The following CD84 variants were observed in gnomAD, a reference collection of about 807,000 sequenced individuals.
CD84 encodes SLAM family member 5.
Under a neutral mutation model 33.8 loss-of-function variants are expected in CD84, and 22 were observed. That is an observed-to-expected ratio of 0.65 (90% CI 0.46 to 0.93). CD84 has a LOEUF of 0.93. CD84 is among the 40% of genes least tolerant of loss of function. The pLI is 0.00. For missense variants in CD84, 400 were observed against 397.6 expected, an observed-to-expected ratio of 1.01 and a Z score of -0.05; for synonymous variants, 154 against 145.2, an observed-to-expected ratio of 1.06 and a Z score of -0.44.
At chr1:160,550,557 G>A (rs890435251) in intron 5 of CD84, 96 of 925,658 alleles carry the variant, frequency 1.0e-4, no homozygotes, top group Non-Finnish European at 1.2e-4. Context: ...CTGTTGCCTC[G>A]TAGCCCCCTT....
At chr1:160,555,272 A>T (rs369598271) in intron 2 of CD84, among the ~76,000 whole-genome samples, 36 of 151,900 alleles carry the variant, frequency 2.4e-4, no homozygotes, top group Non-Finnish European at 4.7e-4. Context: ...TTTAGTAGAG[A>T]TGGAGTTTCA....
chr1:160,560,367 G>A (rs1656868370), intron 2 of CD84, among the ~76,000 whole-genome samples: 1 of 152,114 alleles, frequency 6.6e-6, no homozygotes, highest in Non-Finnish European at 1.5e-5. Flanking sequence ...CAATTACATG[G>A]AAATTCAACA....
At chr1:160,556,806 G>A (rs1368458172) in intron 2 of CD84, among the ~76,000 whole-genome samples, 1 of 152,166 alleles carries the variant, frequency 6.6e-6, no homozygotes, top group Non-Finnish European at 1.5e-5. Flanking sequence ...ATTGCACGTG[G>A]TAGAAGACTT....
intron 5 of CD84, among the ~76,000 whole-genome samples, chr1:160,550,359 C>T (rs1237726341): frequency 2.0e-5 from 3 of 151,980 alleles, no homozygotes; most frequent in African/African-American, 7.3e-5. Flanking sequence ...CCCTTGATTC[C>T]TTGCAGACTT....
At chr1:160,550,794 C>T (rs1656161897) in intron 5 of CD84, 144 bp downstream of exon 5, 1 of 1,513,100 alleles carries the variant, frequency 6.6e-7, no homozygotes, top group African/African-American at 1.4e-5. Flanking sequence ...CATCACTTCC[C>T]TGACATGGTA....
chr1:160,564,498 C>T (rs1657192262), intron 2 of CD84, among the ~76,000 whole-genome samples: 1 of 152,208 alleles, frequency 6.6e-6, no homozygotes, highest in Non-Finnish European at 1.5e-5. Context: ...TAGCCCCAAA[C>T]TGGAAAGAAC....
intron 4 of CD84, chr1:160,552,851 C>A: frequency 1.3e-6 from 1 of 754,552 alleles, no homozygotes; most frequent in South Asian, 1.5e-5. Context: ...GTGGGTGAAT[C>A]GGAGGGTATA....
Position 160,543,109 on chromosome 1 carries a change from T to C in CD84, c.*5147A>G, listed in dbSNP as rs375776240. 3.9e-5 allele frequency: 6 copies of C among 152,318 alleles called. No homozygotes were observed. The East Asian group carries it at 5.8e-4, about 15-fold the overall frequency. The allele number at this position is 152,318 out of a possible 1,614,324, so 9.4% of individuals were successfully genotyped here. A position where few individuals can be genotyped will look rare whatever the true frequency, so the allele number is the denominator to read the frequency against. On this transcript the variant is annotated 3_prime_UTR_variant, in exon 7 of 7. Transcript: ENST00000368054. ...ATAGAGAGCTCTATCCAACCTTCTT[T>C]AATTAAATGGGCATTTTCAGCAGGA...
rs11548713 is a variant in CD84, at chr1:160,546,160, G to A, written c.*2096C>T. 0.021 allele frequency: 3,122 copies of A among 151,712 alleles called. 105 individuals carry two copies. Among genetic ancestry groups the A allele is most frequent in the African/African-American group, 0.072 (2,953 of 41,278 alleles). The allele number at this position is 151,712 out of a possible 1,614,324, so 9.4% of individuals were successfully genotyped here. ...TGTGCCACCACACCTGGCTAATTTC[G>A]TATTTTTAGTAGAGATGGGGTTTCA... On this transcript the variant is annotated 3_prime_UTR_variant, in exon 7 of 7. Transcript: ENST00000368054.
chr1:160,572,436 T>C (rs1657746328), intron 1 of CD84, among the ~76,000 whole-genome samples: 1 of 152,116 alleles, frequency 6.6e-6, no homozygotes, highest in Non-Finnish European at 1.5e-5. Flanking sequence ...CTTGAGAAAA[T>C]TATTGAAATT....
chr1:160,565,868 A>T, intron 1 of CD84, 123 bp from the exon 2 acceptor site: 8 of 714,122 alleles, frequency 1.1e-5, no homozygotes, highest in Non-Finnish European at 1.5e-5. Context: ...TTTCTTGAGG[A>T]TGCCTTTTTT....
In CD84 at chr1:160,548,325, T is replaced by C. The variant is rs111536196; in HGVS notation, c.922-4A>G. ...CCTGTGTGCTGGCTTTCCCCATCTGTGCAGGAGAGAAGCGTGAGAAAATGT... is the reference window on the plus strand; with the variant it reads ...CCTGTGTGCTGGCTTTCCCCATCTGCGCAGGAGAGAAGCGTGAGAAAATGT... On this transcript the variant is annotated splice_region_variant and splice_polypyrimidine_tract_variant and intron_variant, in intron 6 of 6. Coordinates refer to ENST00000368054, the MANE Select transcript of CD84 (RefSeq NM_003874.4). 22,513 of 1,614,070 alleles carry C rather than the reference T, an allele frequency of 0.014. 315 individuals carry two copies. The highest frequency in any genetic ancestry group is 0.056 in the African/African-American group (4,175 of 75,032).
At position 160,543,439 on chromosome 1, in the gene CD84, T is replaced by C. The variant is rs932889473; in HGVS notation, c.*4817A>G. 2.0e-5 allele frequency: 3 copies of C among 152,122 alleles called. No homozygotes were observed. The highest frequency in any genetic ancestry group is 2.0e-4 in the Admixed American group (3 of 15,282). 9.4% of individuals were successfully genotyped at this position (152,122 alleles called of 1,614,324 possible). ...CTTTCCAGATTTGCCAAGGTATTCA[T>C]ATGTCAGCCTTAGTGTTAACTGGAA... On this transcript the variant is annotated 3_prime_UTR_variant, in exon 7 of 7. Coordinates refer to ENST00000368054, the MANE Select transcript of CD84 (RefSeq NM_003874.4).
In CD84 at chr1:160,541,771, G is replaced by A. The variant is rs1655553818; in HGVS notation, c.*6485C>T. The A allele has an allele frequency of 6.6e-6, 1 of 152,178 alleles. No homozygotes were observed. The highest frequency in any genetic ancestry group is 1.5e-5 in the Non-Finnish European group (1 of 68,046). 9.4% of individuals were successfully genotyped at this position (152,178 alleles called of 1,614,324 possible). On this transcript the variant is annotated 3_prime_UTR_variant, in exon 7 of 7. Transcript: ENST00000368054. ...CTGATGGGTCAGATTGCTAAGGAGT[G>A]TGGTTCCCCAGGAAAAACATTTTAG...
chr1:160,552,831 G>C (rs1461034961), intron 4 of CD84: 3 of 895,396 alleles, frequency 3.4e-6, no homozygotes, highest in East Asian at 5.3e-5. Context: ...TTCTTGGGTG[G>C]ACATGGGATG....
chr1:160,572,363 G>A (rs142884748), intron 1 of CD84, among the ~76,000 whole-genome samples: 76 of 152,206 alleles, frequency 5.0e-4, no homozygotes, highest in Middle Eastern at 3.4e-3. Context: ...GGACCAGCTA[G>A]GAGGTATACA....
At chr1:160,571,119 T>G (rs1208605397) in intron 1 of CD84, 1 of 152,060 alleles carries the variant, frequency 6.6e-6, no homozygotes, top group African/African-American at 2.4e-5. Flanking sequence ...ATAAACCTCT[T>G]TCTTGTTTAA....
intron 4 of CD84, chr1:160,551,387 A>G: frequency 4.0e-6 from 1 of 249,128 alleles, no homozygotes; most frequent in Non-Finnish European, 7.7e-6. Flanking sequence ...TTGACTTTCC[A>G]TGTCACGGTC....
chr1:160,559,379 C>G (rs1398102606), intron 2 of CD84, among the ~76,000 whole-genome samples: 1 of 152,114 alleles, frequency 6.6e-6, no homozygotes, highest in African/African-American at 2.4e-5. Context: ...TCTGGCCAAA[C>G]TAAGCTTCAT....
Sources: allele counts gnomAD v4.1 joint callset (sites outside exome capture counted in the v4.1 genomes callset), GRCh38; gene constraint gnomAD v4.1.1; transcripts MANE v1.5; gene names NCBI Gene and HGNC (gene_info 2026-07-23, HGNC 2026-07-21).